The following DACH1 variants were observed in gnomAD, a reference collection of about 807,000 sequenced individuals.
DACH1 encodes the protein dachshund family transcription factor 1.
Under a neutral mutation model 54.2 loss-of-function variants are expected in DACH1, and 12 were observed. The observed-to-expected ratio is 0.22, with a 90% CI of 0.14 to 0.36. The LOEUF is 0.36. Among genes scored for constraint, DACH1 ranks in the 10% least tolerant of loss-of-function variants. DACH1 has a pLI of 1.00. For synonymous variants in DACH1, 386 were observed against 366.2 expected (o/e 1.05, Z -0.62); for missense variants, 805 against 929.8 (o/e 0.87, Z 1.75).
rs546597446 is a variant in DACH1, at chr13:71,627,208, G to A, written c.1126+3348C>T. On this transcript the variant is annotated intron_variant, in intron 3 of 10. Transcript: ENST00000613252. ...TAAGGTTCCTATTATGAACCGGGAAGGGTTGTGTGATACAAATTTTTCCTG... is the reference window on the plus strand; with the variant it reads ...TAAGGTTCCTATTATGAACCGGGAAAGGTTGTGTGATACAAATTTTTCCTG... Among the ~76,000 whole-genome samples the A allele has an allele frequency of 2.6e-5, 4 of 151,942 alleles. No individual in the cohort carries two copies. In the Middle Eastern group the frequency reaches 0.01, roughly 388 times the overall value.
At position 71,556,880 on chromosome 13, in the gene DACH1, A is replaced by G. The variant is rs1884285561; in HGVS notation, c.1570+144T>C. 1.8e-5 allele frequency: 15 copies of G among 838,398 alleles called. No homozygotes were observed. In the South Asian group the frequency reaches 3.9e-4, roughly 22 times the overall value. 51.9% of individuals were successfully genotyped at this position (838,398 alleles called of 1,614,324 possible). On this transcript the variant is annotated intron_variant, in intron 6 of 10. Transcript: ENST00000613252. ...CTTTTTTGTTGAATGAATAGGTTTA[A>G]TTTGTACTTAATATTGTGGATTTTA...
In DACH1 at chr13:71,475,996, C is replaced by A. The variant is rs548342147; in HGVS notation, c.1871-147G>T. The A allele has an allele frequency of 3.3e-5, 18 of 547,064 alleles. 1 individual carries two copies. Among genetic ancestry groups the A allele is most frequent in the African/African-American group, 2.7e-4 (14 of 51,028 alleles). The allele number at this position is 547,064 out of a possible 1,614,324, so 33.9% of individuals were successfully genotyped here. A position where few individuals can be genotyped will look rare whatever the true frequency, so the allele number is the denominator to read the frequency against. On this transcript the variant is annotated intron_variant, in intron 8 of 10. Transcript: ENST00000613252. The stretch of plus-strand genomic sequence containing the variant: ...TATAAAAAGAAAGTTCCAAAAATCT[C>A]CACCTTTATCTAAAATAATTCCCAG...
At chr13:71,469,780 CAGAA>C (rs1445895912) in intron 10 of DACH1, among the ~76,000 whole-genome samples, 1 of 151,934 alleles carries the variant, frequency 6.6e-6, no homozygotes, top group Non-Finnish European at 1.5e-5. Context: ...GTTTAGCAAA[CAGAA>C]AGAAGATATT....
chr13:71,616,799 C>G (rs192602011), intron 3 of DACH1, among the ~76,000 whole-genome samples: 1 of 149,996 alleles, frequency 6.7e-6, no homozygotes, highest in East Asian at 1.9e-4. Context: ...GTGGGAATAT[C>G]TATATATATA....
At chr13:71,778,331 A>G (rs1022130012) in intron 1 of DACH1, among the ~76,000 whole-genome samples, 23 of 152,134 alleles carry the variant, frequency 1.5e-4, no homozygotes, top group Admixed American at 1.1e-3. Flanking sequence ...ACATAAGTCA[A>G]ATGTAATTAA....
intron 2 of DACH1, among the ~76,000 whole-genome samples, chr13:71,643,220 A>G (rs1878033715): frequency 6.6e-6 from 1 of 152,122 alleles, no homozygotes; most frequent in African/African-American, 2.4e-5. Context: ...CATTTTTCTC[A>G]TGCATTTATT....
chr13:71,507,437 A>G (rs917466847), intron 6 of DACH1, among the ~76,000 whole-genome samples: 3 of 152,170 alleles, frequency 2.0e-5, no homozygotes, highest in East Asian at 1.9e-4. Context: ...TATTTTTACA[A>G]TTGTTAAATT....
intron 10 of DACH1, among the ~76,000 whole-genome samples, chr13:71,455,075 C>G (rs369008454): frequency 1.1e-4 from 17 of 152,280 alleles, no homozygotes; most frequent in African/African-American, 4.1e-4. Flanking sequence ...CCTTTGATTT[C>G]TCCTAGGAGC....
chr13:71,839,479 C>T (rs982542121), intron 1 of DACH1, among the ~76,000 whole-genome samples: 3 of 151,852 alleles, frequency 2.0e-5, no homozygotes, highest in Admixed American at 6.6e-5. Context: ...TGGTGGCGGG[C>T]GCCTGTAGTC....
rs529000916 is a variant in DACH1, at chr13:71,562,103, A to T, written c.1300-2148T>A. ...TAATGATAACTTGTTGAACTTTAAGAGTTTTTGTACAGAGCTAATATGTGC... is the reference window on the plus strand; with the variant it reads ...TAATGATAACTTGTTGAACTTTAAGTGTTTTTGTACAGAGCTAATATGTGC... On this transcript the variant is annotated intron_variant, in intron 4 of 10. Coordinates refer to ENST00000613252, the MANE Select transcript of DACH1 (RefSeq NM_080759.6). Among the ~76,000 whole-genome samples, 27 of 152,284 alleles carry T rather than the reference A, an allele frequency of 1.8e-4. 1 individual carries two copies. In the South Asian group the frequency reaches 4.6e-3, roughly 26 times the overall value.
In DACH1 at chr13:71,489,165, C is replaced by G; in HGVS notation, c.1571-17G>C. On this transcript the variant is annotated splice_polypyrimidine_tract_variant and intron_variant, in intron 6 of 10. Transcript: ENST00000613252. ...GGGTCTCATCTGCATGTGATTGAAACAAAAATATAGAACAAGTTACGCTTG... is the reference window on the plus strand; with the variant it reads ...GGGTCTCATCTGCATGTGATTGAAAGAAAAATATAGAACAAGTTACGCTTG... The G allele has an allele frequency of 1.2e-6, 2 of 1,605,860 alleles. No individual in the cohort carries two copies. Among genetic ancestry groups the G allele is most frequent in the Non-Finnish European group, 1.7e-6 (2 of 1,175,460 alleles).
chr13:71,708,455 A>G (rs917738486), intron 1 of DACH1, among the ~76,000 whole-genome samples: 2 of 152,174 alleles, frequency 1.3e-5, no homozygotes, highest in African/African-American at 4.8e-5. Flanking sequence ...AAGAGATTGC[A>G]TGTTTTATTT....
intron 1 of DACH1, among the ~76,000 whole-genome samples, chr13:71,689,369 C>T (rs563103573): frequency 2.6e-4 from 40 of 152,128 alleles, no homozygotes; most frequent in Non-Finnish European, 4.6e-4. Flanking sequence ...GAATACTGAG[C>T]AATGTAAGAA....
At chr13:71,571,747 T>C in intron 4 of DACH1, among the ~76,000 whole-genome samples, 1 of 151,176 alleles carries the variant, frequency 6.6e-6, no homozygotes, top group South Asian at 2.1e-4. Context: ...TTTTTTTTTT[T>C]TTCTTTGAGA....
At chr13:71,495,473 A>G (rs1305301363) in intron 6 of DACH1, among the ~76,000 whole-genome samples, 1 of 152,102 alleles carries the variant, frequency 6.6e-6, no homozygotes, top group Non-Finnish European at 1.5e-5. Context: ...TTGGAGTAGA[A>G]GTATAAATAA....
At chr13:71,641,258 C>T (rs941678128) in intron 2 of DACH1, among the ~76,000 whole-genome samples, 1 of 151,934 alleles carries the variant, frequency 6.6e-6, no homozygotes, top group African/African-American at 2.4e-5. Context: ...TGTACACATA[C>T]ATATATATAC....
At chr13:71,613,488 G>A (rs937192965) in intron 3 of DACH1, among the ~76,000 whole-genome samples, 4 of 152,154 alleles carry the variant, frequency 2.6e-5, no homozygotes, top group Non-Finnish European at 5.9e-5. Context: ...GCTGTTGCAA[G>A]GCGAGAGGAT....
intron 10 of DACH1, among the ~76,000 whole-genome samples, chr13:71,462,633 A>G (rs757597513): frequency 2.0e-5 from 3 of 151,916 alleles, no homozygotes; most frequent in Non-Finnish European, 4.4e-5. Flanking sequence ...AAATAGCAAA[A>G]TCTTTTCAAC....
chr13:71,619,026 A>C (rs868522092), intron 3 of DACH1, among the ~76,000 whole-genome samples: 8 of 151,768 alleles, frequency 5.3e-5, no homozygotes, highest in Admixed American at 1.3e-4. Flanking sequence ...TTTTCTAGAA[A>C]GGCTATATTG....
Sources: allele counts gnomAD v4.1 joint callset (sites outside exome capture counted in the v4.1 genomes callset), GRCh38; gene constraint gnomAD v4.1.1; transcripts MANE v1.5; gene names NCBI Gene and HGNC (gene_info 2026-07-23, HGNC 2026-07-21).